Variants in UNC13C observed in about 807,000 individuals in gnomAD.
The protein encoded by UNC13C is unc-13 homolog C.
Under a neutral mutation model 245.4 loss-of-function variants are expected in UNC13C, and 174 were observed. That is an observed-to-expected ratio of 0.71 (90% CI 0.63 to 0.80). The LOEUF is 0.80. Among genes scored for constraint, UNC13C ranks in the 30% least tolerant of loss-of-function variants. The probability of loss-of-function intolerance (pLI) is 0.00; values close to 1 mark genes in which losing one functional copy is unlikely to be tolerated. For synonymous variants in UNC13C, 992 were observed against 895.1 expected, an observed-to-expected ratio of 1.11 and a Z score of -1.93; for missense variants, 2,829 against 2,602.9, an observed-to-expected ratio of 1.09 and a Z score of -1.89.
intron 4 of UNC13C, among the ~76,000 whole-genome samples, chr15:54,213,325 C>G (rs1382980081): frequency 6.6e-6 from 1 of 151,774 alleles, no homozygotes; most frequent in Non-Finnish European, 1.5e-5. Context: ...TGTGTAAAAT[C>G]CTATACTAAA....
chr15:54,270,641 G>A (rs1045439262), intron 10 of UNC13C, among the ~76,000 whole-genome samples: 1 of 151,876 alleles, frequency 6.6e-6, no homozygotes, highest in African/African-American at 2.4e-5. Context: ...TGAGGCCAAG[G>A]GAGAACCAAT....
chr15:54,432,390 T>C (rs972945742), intron 19 of UNC13C, among the ~76,000 whole-genome samples: 1 of 151,470 alleles, frequency 6.6e-6, no homozygotes, highest in African/African-American at 2.4e-5. Flanking sequence ...ACAAGCAGGA[T>C]TTAACCAGTT....
In UNC13C at chr15:54,409,337, GT is replaced by G. The variant is rs1403045340; in HGVS notation, c.4848-5643del. On this transcript the variant is annotated intron_variant, in intron 18 of 32. Transcript: ENST00000260323. ...TAAGCTGTATATATTTTTCCAGTTTGTTGTTTTATTTTAAATGGGGGTTTTT... is the reference window on the plus strand; with the variant it reads ...TAAGCTGTATATATTTTTCCAGTTTGTGTTTTATTTTAAATGGGGGTTTTT... Among the ~76,000 whole-genome samples, 32 of 151,326 alleles carry G rather than the reference GT, an allele frequency of 2.1e-4. No individual in the cohort carries two copies. The East Asian group carries it at 4.7e-3, about 22-fold the overall frequency.
At chr15:54,141,615 A>G (rs1013707480) in intron 2 of UNC13C, among the ~76,000 whole-genome samples, 1 of 152,058 alleles carries the variant, frequency 6.6e-6, no homozygotes, top group Admixed American at 6.6e-5. Context: ...TTTCTGGCCA[A>G]TTGATATGTC....
intron 2 of UNC13C, among the ~76,000 whole-genome samples, chr15:54,138,443 A>C (rs190016990): frequency 3.9e-4 from 59 of 152,128 alleles, no homozygotes; most frequent in African/African-American, 1.3e-3. Flanking sequence ...TTTTGTTTTT[A>C]CATAGTCACC....
intron 10 of UNC13C, among the ~76,000 whole-genome samples, chr15:54,283,880 C>T (rs1484914702): frequency 6.6e-6 from 1 of 152,148 alleles, no homozygotes; most frequent in Non-Finnish European, 1.5e-5. Context: ...CTAGACAGGT[C>T]TTTTTCTAAG....
chr15:54,534,742 G>A (rs1230635113), intron 26 of UNC13C, among the ~76,000 whole-genome samples: 2 of 152,144 alleles, frequency 1.3e-5, no homozygotes, highest in Non-Finnish European at 2.9e-5. Flanking sequence ...AATCAAAGTG[G>A]TCTGATGGAG....
intron 30 of UNC13C, among the ~76,000 whole-genome samples, chr15:54,611,175 G>A (rs1169505195): frequency 6.6e-6 from 1 of 152,132 alleles, no homozygotes; most frequent in African/African-American, 2.4e-5. Context: ...GGGAAGTGGA[G>A]TAGTATTTGC....
At chr15:54,095,274 C>T (rs1040829622) in intron 2 of UNC13C, among the ~76,000 whole-genome samples, 4 of 152,164 alleles carry the variant, frequency 2.6e-5, no homozygotes, top group Non-Finnish European at 4.4e-5. Flanking sequence ...ATGACATTCT[C>T]CCTAGGCTTA....
chr15:53,862,664 G>A, the UNC13C span, among the ~76,000 whole-genome samples: 1 of 152,100 alleles, frequency 6.6e-6, no homozygotes, highest in South Asian at 2.1e-4. Context: ...AAGGTTAGTG[G>A]AAACCGACTG....
intron 4 of UNC13C, among the ~76,000 whole-genome samples, chr15:54,204,069 C>G (rs2034628266): frequency 6.6e-6 from 1 of 151,554 alleles, no homozygotes; most frequent in Admixed American, 6.6e-5. Context: ...ATTGTATGTT[C>G]TCAGTCATAT....
At chr15:54,197,248 A>G (rs1002822422) in intron 4 of UNC13C, among the ~76,000 whole-genome samples, 4 of 152,116 alleles carry the variant, frequency 2.6e-5, no homozygotes, top group African/African-American at 9.7e-5. Context: ...AAGCCAAGGC[A>G]GGAAGATCAC....
At chr15:54,307,040 A>G (rs1196222200) in intron 13 of UNC13C, among the ~76,000 whole-genome samples, 1 of 152,032 alleles carries the variant, frequency 6.6e-6, no homozygotes, top group East Asian at 1.9e-4. Flanking sequence ...AAGTCAGTCT[A>G]GTTTCTCATG....
At chr15:54,123,368 C>CA (rs1375697271) in intron 2 of UNC13C, among the ~76,000 whole-genome samples, 1 of 151,068 alleles carries the variant, frequency 6.6e-6, no homozygotes, top group Non-Finnish European at 1.5e-5. Flanking sequence ...CTTATATATA[C>CA]ATTTATATGG....
chr15:54,407,282 A>T (rs2040313977), intron 18 of UNC13C, among the ~76,000 whole-genome samples: 2 of 152,280 alleles, frequency 1.3e-5, no homozygotes, highest in Middle Eastern at 3.4e-3. Context: ...TTGAATTAGG[A>T]ACAGGGAAGA....
chr15:53,930,883 G>A, the UNC13C span, among the ~76,000 whole-genome samples: 1 of 152,124 alleles, frequency 6.6e-6, no homozygotes, highest in Non-Finnish European at 1.5e-5. Flanking sequence ...TTAGAGCATG[G>A]AAATAAAAGT....
intron 6 of UNC13C, 71 bp downstream of exon 6, chr15:54,236,506 G>A: frequency 4.4e-6 from 5 of 1,135,710 alleles, no homozygotes; most frequent in Admixed American, 2.1e-5. Flanking sequence ...TTACTCATGG[G>A]GTAAAAGAGG....
At chr15:54,357,518 T>TA (rs1338667525) in intron 17 of UNC13C, among the ~76,000 whole-genome samples, 1 of 152,052 alleles carries the variant, frequency 6.6e-6, no homozygotes, top group East Asian at 1.9e-4. Flanking sequence ...CTTAAATTTT[T>TA]AGCATTATAC....
intron 13 of UNC13C, among the ~76,000 whole-genome samples, chr15:54,313,386 T>C (rs995662610): frequency 6.6e-6 from 1 of 151,974 alleles, no homozygotes. Context: ...AATTAAGTAA[T>C]GTTTCTTGGT....
Sources: allele counts gnomAD v4.1 joint callset (sites outside exome capture counted in the v4.1 genomes callset), GRCh38; gene constraint gnomAD v4.1.1; transcripts MANE v1.5; gene names NCBI Gene and HGNC (gene_info 2026-07-23, HGNC 2026-07-21).